SRD5A1: variants seen among roughly 807,000 people sequenced by gnomAD.
The protein encoded by SRD5A1 is steroid 5 alpha-reductase 1, also known as 3-oxo-5-alpha-steroid 4-dehydrogenase 1.
Under a neutral mutation model 28.2 loss-of-function variants are expected in SRD5A1, and 22 were observed. The observed-to-expected ratio is 0.78, with a 90% CI of 0.56 to 1.12. SRD5A1 has a LOEUF of 1.12. Ranked by LOEUF, SRD5A1 falls within the 50% of genes most tolerant of loss-of-function variation. The probability of loss-of-function intolerance (pLI) is 0.00; values close to 1 mark genes in which losing one functional copy is unlikely to be tolerated. For missense variants in SRD5A1, 300 were observed against 346.7 expected, an observed-to-expected ratio of 0.87 and a Z score of 1.07; for synonymous variants, 151 against 135.0, an observed-to-expected ratio of 1.12 and a Z score of -0.82.
At chr5:6,650,349 T>C (rs544182177) in intron 1 of SRD5A1, among the ~76,000 whole-genome samples, 1 of 150,942 alleles carries the variant, frequency 6.6e-6, no homozygotes, top group East Asian at 2.0e-4. Context: ...ATGTTGAGGC[T>C]GCAGTGAGCC....
Position 6,633,713 on chromosome 5 carries a change from A to G in SRD5A1, c.137A>G (p.His46Arg). ...TACGGCCGCCACGCGCTGCCCAGCCACAGGCTCCGAGTGCCGGCGCGGGCC... is the reference window on the plus strand; with the variant it reads ...TACGGCCGCCACGCGCTGCCCAGCCGCAGGCTCCGAGTGCCGGCGCGGGCC... ...SVYGRHALPS[H>R]RLRVPARAAW... Residue 46 changes from histidine to arginine, a missense_variant, in exon 1 of 5, where the codon CAC becomes CGC. His to Arg is a conservative substitution (Grantham distance 29). Coordinates refer to ENST00000274192, the MANE Select transcript of SRD5A1 (RefSeq NM_001047.4). The G allele has an allele frequency of 6.3e-7, 1 of 1,593,518 alleles. No individual in the cohort carries two copies. Among genetic ancestry groups the G allele is most frequent in the Non-Finnish European group, 8.5e-7 (1 of 1,177,532 alleles).
At chr5:6,637,964 G>A (rs531641652) in intron 1 of SRD5A1, among the ~76,000 whole-genome samples, 1 of 152,332 alleles carries the variant, frequency 6.6e-6, no homozygotes, top group East Asian at 1.9e-4. Flanking sequence ...ACTTTTAAAT[G>A]TGCGGTGGGT....
intron 3 of SRD5A1, among the ~76,000 whole-genome samples, chr5:6,660,921 G>A (rs563429662): frequency 3.3e-5 from 5 of 152,280 alleles, no homozygotes; most frequent in East Asian, 1.9e-4. Context: ...GAGAGAGAGC[G>A]AGTGAAGGGG....
intron 2 of SRD5A1, among the ~76,000 whole-genome samples, chr5:6,653,930 G>A (rs957200700): frequency 9.9e-5 from 15 of 152,062 alleles, no homozygotes; most frequent in Middle Eastern, 3.2e-3. Context: ...GACAATCTAG[G>A]TTACCTTTTG....
At chr5:6,649,854 C>CT (rs907602819) in intron 1 of SRD5A1, among the ~76,000 whole-genome samples, 4 of 151,280 alleles carry the variant, frequency 2.6e-5, no homozygotes, top group African/African-American at 9.7e-5. Flanking sequence ...TCGCTGGGAG[C>CT]TGCAAGACCG....
chr5:6,656,417 T>C (rs535465417), intron 3 of SRD5A1, among the ~76,000 whole-genome samples: 1 of 152,360 alleles, frequency 6.6e-6, no homozygotes, highest in East Asian at 1.9e-4. Context: ...ATATCTGTGC[T>C]TGGGAAGAGA....
At chr5:6,656,024 A>G in intron 2 of SRD5A1, 54 bp from the exon 3 acceptor site, 3 of 1,329,018 alleles carry the variant, frequency 2.3e-6, no homozygotes, top group Non-Finnish European at 3.3e-6. Flanking sequence ...TGGGGCTCGT[A>G]GTGAAATTTT....
At chr5:6,646,765 T>C (rs1738522109) in intron 1 of SRD5A1, among the ~76,000 whole-genome samples, 2 of 152,210 alleles carry the variant, frequency 1.3e-5, no homozygotes, top group African/African-American at 4.8e-5. Context: ...GTTTTTCATG[T>C]CTGTCTCTCC....
rs917358371 is a variant in SRD5A1, at chr5:6,673,833, A to G, written c.*5565A>G. On this transcript the variant is annotated 3_prime_UTR_variant, in exon 5 of 5. Transcript: ENST00000274192. ...AAAAGATAAGGAAGAACTTTAATGCATATTGGTAAGTGAAAAAAGCCAGTT... is the reference window on the plus strand; with the variant it reads ...AAAAGATAAGGAAGAACTTTAATGCGTATTGGTAAGTGAAAAAAGCCAGTT... The G allele has an allele frequency of 4.6e-5, 7 of 152,336 alleles. No homozygotes were observed. Among genetic ancestry groups the G allele is most frequent in the Admixed American group, 1.3e-4 (2 of 15,290 alleles). The allele number at this position is 152,336 out of a possible 1,614,324, so 9.4% of individuals were successfully genotyped here. A position where few individuals can be genotyped will look rare whatever the true frequency, so the allele number is the denominator to read the frequency against.
In SRD5A1 at chr5:6,666,210, C is replaced by T. The variant is rs1042717612; in HGVS notation, c.714-1992C>T. Among the ~76,000 whole-genome samples, 27 of 152,050 alleles carry T rather than the reference C, an allele frequency of 1.8e-4. No homozygotes were observed. The South Asian group carries it at 3.7e-3, about 21-fold the overall frequency. The stretch of plus-strand genomic sequence containing the variant: ...TCGCCCAGGCTGGAGTGCAGTGGCG[C>T]GATCTCGGCTCACTGCAAGCTCTGC... On this transcript the variant is annotated intron_variant, in intron 4 of 4. Coordinates refer to ENST00000274192, the MANE Select transcript of SRD5A1 (RefSeq NM_001047.4).
intron 1 of SRD5A1, among the ~76,000 whole-genome samples, chr5:6,634,532 C>G (rs986195467): frequency 6.6e-6 from 1 of 152,048 alleles, no homozygotes; most frequent in African/African-American, 2.4e-5. Flanking sequence ...GATGGTGGAG[C>G]TGTTTTCTCC....
intron 1 of SRD5A1, among the ~76,000 whole-genome samples, chr5:6,641,639 G>C (rs1418092603): frequency 1.3e-5 from 2 of 152,238 alleles, no homozygotes; most frequent in African/African-American, 2.4e-5. Flanking sequence ...AGGAATCAGA[G>C]AACACCAGAA....
At chr5:6,653,794 G>A (rs986313482) in intron 2 of SRD5A1, among the ~76,000 whole-genome samples, 2 of 152,116 alleles carry the variant, frequency 1.3e-5, no homozygotes, top group African/African-American at 2.4e-5. Context: ...CAGATGGTTC[G>A]CATCACGTAG....
chr5:6,634,053 G>T (rs1005124365), intron 1 of SRD5A1, among the ~76,000 whole-genome samples, 184 bp downstream of exon 1: 2 of 152,248 alleles, frequency 1.3e-5, no homozygotes, highest in Non-Finnish European at 2.9e-5. Context: ...GGCCCCGGGA[G>T]TTTGGAAACC....
At chr5:6,647,129 T>G (rs1738530815) in intron 1 of SRD5A1, among the ~76,000 whole-genome samples, 1 of 152,268 alleles carries the variant, frequency 6.6e-6, no homozygotes, top group Non-Finnish European at 1.5e-5. Context: ...GATTGCACTG[T>G]GATATAAGAG....
At chr5:6,666,292 T>C (rs375853771) in intron 4 of SRD5A1, among the ~76,000 whole-genome samples, 32 of 152,110 alleles carry the variant, frequency 2.1e-4, no homozygotes, top group East Asian at 3.9e-4. Context: ...GGACTACAGG[T>C]GCCCGCCACC....
rs8192152 is a variant in SRD5A1, at chr5:6,639,509, C to T, written c.293+5640C>T. On this transcript the variant is annotated intron_variant, in intron 1 of 4. Coordinates refer to ENST00000274192, the MANE Select transcript of SRD5A1 (RefSeq NM_001047.4). ...GTGCCCTTGTGTGGGTGCCACCCCA[C>T]AGCCCTCGCGGACAGTAAGAATGGA... Among the ~76,000 whole-genome samples, 1,303 of 152,344 alleles carry T rather than the reference C, an allele frequency of 8.6e-3. 23 individuals carry two copies. The highest frequency in any genetic ancestry group is 0.029 in the African/African-American group (1,205 of 41,578).
At position 6,670,498 on chromosome 5, in the gene SRD5A1, T is replaced by C. The variant is rs541152715; in HGVS notation, c.*2230T>C. ...TAAAATCCAATGAGGCAGAGAACAA[T>C]AGTTGTACCCATCTCCTCCTTAGTC... On this transcript the variant is annotated 3_prime_UTR_variant, in exon 5 of 5. Coordinates refer to ENST00000274192, the MANE Select transcript of SRD5A1 (RefSeq NM_001047.4). The C allele has an allele frequency of 6.6e-6, 1 of 152,422 alleles. No homozygotes were observed. The highest frequency in any genetic ancestry group is 1.9e-4 in the East Asian group (1 of 5,184). 9.4% of individuals were successfully genotyped at this position (152,422 alleles called of 1,614,324 possible).
chr5:6,636,083 T>TTC (rs1738175747), intron 1 of SRD5A1, among the ~76,000 whole-genome samples: 2 of 151,928 alleles, frequency 1.3e-5, no homozygotes, highest in Admixed American at 1.3e-4. Flanking sequence ...CTAGGCTATT[T>TTC]TTTTTTTGAG....
Sources: gnomAD v4.1 joint callset for allele counts (sites outside exome capture counted in the v4.1 genomes callset) on GRCh38, gnomAD v4.1.1 for gene constraint, MANE v1.5 for transcripts, NCBI Gene and HGNC (gene_info 2026-07-23, HGNC 2026-07-21) for gene names.